The following PACS2 variants were observed in gnomAD, a reference collection of about 807,000 sequenced individuals.
PACS2 encodes the protein PACS1-like protein.
Under a neutral mutation model 113.0 loss-of-function variants are expected in PACS2, and 36 were observed. The observed-to-expected ratio is 0.32, with a 90% CI of 0.24 to 0.42. PACS2 has a LOEUF of 0.42. Ranked by LOEUF, PACS2 falls within the 10% of genes least tolerant of loss-of-function variation. The pLI is 1.00. For synonymous variants in PACS2, 589 were observed against 536.1 expected, an observed-to-expected ratio of 1.10 and a Z score of -1.36; for missense variants, 1,015 against 1,239.5, an observed-to-expected ratio of 0.82 and a Z score of 2.72.
intron 1 of PACS2, among the ~76,000 whole-genome samples, chr14:105,308,179 T>TC (rs587719898): frequency 2.4e-3 from 324 of 136,990 alleles, no homozygotes; most frequent in Non-Finnish European, 3.3e-3. Context: ...TGAGACTCTG[T>TC]CCCCCCCAAA....
At chr14:105,391,329 C>A in intron 21 of PACS2, 80 bp downstream of exon 21, 1 of 1,084,614 alleles carries the variant, frequency 9.2e-7, no homozygotes, top group South Asian at 1.2e-5. Context: ...TCCTGCAGAC[C>A]AGATCAACCT....
At position 105,380,819 on chromosome 14, in the gene PACS2, G is replaced by A. The variant is rs181965783; in HGVS notation, c.1126-138G>A. 7.2e-4 allele frequency: 566 copies of A among 785,170 alleles called. 5 individuals carry two copies. In the Admixed American group the frequency reaches 9.4e-3, roughly 13 times the overall value. The allele number at this position is 785,170 out of a possible 1,614,324, so 48.6% of individuals were successfully genotyped here. On this transcript the variant is annotated intron_variant, in intron 11 of 24. Coordinates refer to ENST00000447393, the MANE Select transcript of PACS2 (RefSeq NM_001100913.3). ...GGCTCAGCTAGGCTCCCTGGTCAGC[G>A]TATGGCCGGGTCCACATGTAGGAGC...
In PACS2 at chr14:105,324,258, G is replaced by A. The variant is rs986884660; in HGVS notation, c.119+9221G>A. ...CGGGTCTGCGGTCAGTCACAGTGAC[G>A]GGGGTCTCTTTGGACCCTGTGACTT... is the stretch of plus-strand genomic sequence containing the variant. On this transcript the variant is annotated intron_variant, in intron 1 of 24. Coordinates refer to ENST00000447393, the MANE Select transcript of PACS2 (RefSeq NM_001100913.3). The surrounding 1 kb of genome is among the most constrained non-coding windows in gnomAD (Gnocchi z 4.7). 1.2e-4 allele frequency among the ~76,000 whole-genome samples: 19 copies of A among 152,174 alleles called. No individual in the cohort carries two copies. Among genetic ancestry groups the A allele is most frequent in the Non-Finnish European group, 1.8e-4 (12 of 68,016 alleles).
At chr14:105,387,979 T>C (rs2081235312) in intron 19 of PACS2, among the ~76,000 whole-genome samples, 1 of 152,254 alleles carries the variant, frequency 6.6e-6, no homozygotes, top group Non-Finnish European at 1.5e-5. Flanking sequence ...CACTCCTGCC[T>C]GACAGCTGTG....
At chr14:105,339,180 C>T (rs1219097975) in intron 1 of PACS2, among the ~76,000 whole-genome samples, 1 of 152,154 alleles carries the variant, frequency 6.6e-6, no homozygotes, top group African/African-American at 2.4e-5. Flanking sequence ...GACGCTATTC[C>T]ACTGCCACTC....
chr14:105,328,239 C>T (rs990556187), intron 1 of PACS2, among the ~76,000 whole-genome samples: 9 of 152,336 alleles, frequency 5.9e-5, no homozygotes, highest in African/African-American at 7.2e-5. Flanking sequence ...CCCCAACCCC[C>T]GGAGTGGCCA....
chr14:105,392,869 C>A, intron 23 of PACS2, 24 bp downstream of exon 23: 2 of 1,537,382 alleles, frequency 1.3e-6, no homozygotes, highest in Non-Finnish European at 1.8e-6. Context: ...GGCTATAAGG[C>A]CACACGGCGC....
At chr14:105,367,428 C>T (rs2060978678) in intron 5 of PACS2, 53 bp downstream of exon 5, 1 of 1,558,808 alleles carries the variant, frequency 6.4e-7, no homozygotes, top group African/African-American at 1.4e-5. Context: ...GCCCTGCCTT[C>T]CAGCCATGGC....
intron 8 of PACS2, chr14:105,371,810 G>C (rs1164810523): frequency 8.5e-5 from 13 of 152,230 alleles, no homozygotes; most frequent in African/African-American, 3.1e-4. Flanking sequence ...AACAACCAAA[G>C]TGTATTTCTC....
chr14:105,333,302 C>T (rs2059375986), intron 1 of PACS2, among the ~76,000 whole-genome samples: 1 of 152,230 alleles, frequency 6.6e-6, no homozygotes, highest in Non-Finnish European at 1.5e-5. Context: ...CTGGTTCTGC[C>T]CTCCCCTGGC....
intron 17 of PACS2, 40 bp from the exon 18 acceptor site, chr14:105,384,839 T>A: frequency 6.2e-6 from 8 of 1,285,218 alleles, no homozygotes; most frequent in Non-Finnish European, 8.8e-6. Context: ...CAACCCCACC[T>A]GGCACCAGCC....
chr14:105,382,413 C>T (rs1238139604), intron 13 of PACS2, 64 bp from the exon 14 acceptor site: 3 of 964,490 alleles, frequency 3.1e-6, no homozygotes, highest in Non-Finnish European at 3.4e-6. Context: ...GGCACCAGGG[C>T]TGGCGTGGTG....
intron 19 of PACS2, among the ~76,000 whole-genome samples, chr14:105,386,246 C>T (rs587693559): frequency 5.9e-5 from 9 of 152,264 alleles, no homozygotes; most frequent in South Asian, 2.1e-4. Context: ...CACACGGGGA[C>T]GCCCAAGCAA....
At chr14:105,388,736 CT>C (rs1555414162) in intron 19 of PACS2, 1 of 152,324 alleles carries the variant, frequency 6.6e-6, no homozygotes, top group African/African-American at 2.4e-5. Context: ...AAGACAGCCA[CT>C]TGCCGGCATC....
rs918208415 is a variant in PACS2 at position 105,379,970 on chromosome 14, T to G, written c.1051-110T>G. The stretch of plus-strand genomic sequence containing the variant: ...ACTCTGCACCCACTGTCCAGCACAC[T>G]GCCACGCAGGTACCCCGGGCCTCCC... On this transcript the variant is annotated intron_variant, in intron 10 of 24. Transcript: ENST00000447393. 3.8e-6 allele frequency: 5 copies of G among 1,308,332 alleles called. No homozygotes were observed. The African/African-American group carries it at 7.3e-5, about 19-fold the overall frequency. The allele number at this position is 1,308,332 out of a possible 1,614,324, so 81.0% of individuals were successfully genotyped here.
At chr14:105,379,997 G>A in intron 10 of PACS2, 83 bp from the exon 11 acceptor site, 2 of 1,408,606 alleles carry the variant, frequency 1.4e-6, no homozygotes, top group Non-Finnish European at 2.0e-6. Flanking sequence ...GGGCCTCCCT[G>A]AGTCCCAGCA....
chr14:105,364,019 G>A (rs979626571), intron 4 of PACS2, among the ~76,000 whole-genome samples: 2 of 152,136 alleles, frequency 1.3e-5, no homozygotes, highest in Non-Finnish European at 2.9e-5. Flanking sequence ...GGTGATGTTC[G>A]TGGTGCCCCA....
chr14:105,305,982 C>G (rs1282097305), intron 1 of PACS2, among the ~76,000 whole-genome samples: 1 of 152,248 alleles, frequency 6.6e-6, no homozygotes, highest in Non-Finnish European at 1.5e-5. Context: ...GTGGGCTTGC[C>G]CCTAGACCTG....
At chr14:105,319,436 T>C (rs2058802942) in intron 1 of PACS2, among the ~76,000 whole-genome samples, 1 of 152,258 alleles carries the variant, frequency 6.6e-6, no homozygotes, top group African/African-American at 2.4e-5. Flanking sequence ...ATGCATATCC[T>C]TTGTTACATT....
Sources: allele counts gnomAD v4.1 joint callset (sites outside exome capture counted in the v4.1 genomes callset), GRCh38; gene constraint gnomAD v4.1.1; non-coding constraint Gnocchi (gnomAD v3.1); transcripts MANE v1.5; gene names NCBI Gene and HGNC (gene_info 2026-07-23, HGNC 2026-07-21).